FBXL17: variants seen among roughly 807,000 people sequenced by gnomAD.
FBXL17 encodes F-box/LRR-repeat protein 17.
In FBXL17, 22 loss-of-function variants were observed where a neutral mutation model predicts 66.2. The observed-to-expected ratio is 0.33, with a 90% confidence interval of 0.24 to 0.47. FBXL17 has a LOEUF of 0.47. Ranked by LOEUF, FBXL17 falls within the 20% of genes least tolerant of loss-of-function variation. The probability of loss-of-function intolerance (pLI) is 1.00; values close to 1 mark genes in which losing one functional copy is unlikely to be tolerated. For missense variants in FBXL17, 878 were observed against 948.2 expected (o/e 0.93, Z 0.97); for synonymous variants, 474 against 400.5 (o/e 1.18, Z -2.19).
intron 7 of FBXL17, among the ~76,000 whole-genome samples, chr5:107,935,167 C>T (rs1750858835): frequency 1.3e-5 from 2 of 151,750 alleles, no homozygotes; most frequent in Non-Finnish European, 2.9e-5. Context: ...GCAAAGTTTG[C>T]CTATATTAGA....
intron 6 of FBXL17, 48 bp from the exon 7 acceptor site, chr5:108,021,049 A>C: frequency 7.3e-7 from 1 of 1,368,586 alleles, no homozygotes; most frequent in Non-Finnish European, 1.0e-6. Context: ...AAGTTAAATT[A>C]GCAGGGGTTT....
At chr5:108,110,707 T>A (rs972429028) in intron 6 of FBXL17, among the ~76,000 whole-genome samples, 1 of 151,978 alleles carries the variant, frequency 6.6e-6, no homozygotes, top group Non-Finnish European at 1.5e-5. Context: ...AACCTGCCAA[T>A]CCTACTGCAG....
intron 8 of FBXL17, 35 bp downstream of exon 8, chr5:107,881,002 T>C (rs768453910): frequency 5.6e-6 from 9 of 1,614,034 alleles, no homozygotes; most frequent in Admixed American, 3.3e-5. Context: ...TATACTGATA[T>C]GTAGAAAGCA....
intron 7 of FBXL17, among the ~76,000 whole-genome samples, chr5:107,926,537 T>C (rs114892159): frequency 0.014 from 2,190 of 152,012 alleles, 61 homozygotes; most frequent in African/African-American, 0.05. Context: ...ATGGTGAGAA[T>C]ATTCTGATGT....
chr5:108,189,757 A>C (rs917740705), intron 5 of FBXL17, among the ~76,000 whole-genome samples: 2 of 152,186 alleles, frequency 1.3e-5, no homozygotes, highest in African/African-American at 4.8e-5. Flanking sequence ...AAGGATCTAG[A>C]GGTCTGAGAA....
chr5:107,928,767 C>T (rs1750624226), intron 7 of FBXL17, among the ~76,000 whole-genome samples: 1 of 152,148 alleles, frequency 6.6e-6, no homozygotes, highest in Non-Finnish European at 1.5e-5. Flanking sequence ...TAGTCTTTCA[C>T]TTGCTACCTA....
intron 7 of FBXL17, among the ~76,000 whole-genome samples, chr5:107,916,711 T>C (rs1561529102): frequency 6.6e-6 from 1 of 152,190 alleles, no homozygotes; most frequent in Non-Finnish European, 1.5e-5. Context: ...CTACTTCCCA[T>C]GGCTCCTGGG....
At chr5:108,242,410 T>G (rs1436237499) in intron 4 of FBXL17, among the ~76,000 whole-genome samples, 1 of 151,624 alleles carries the variant, frequency 6.6e-6, no homozygotes, top group African/African-American at 2.4e-5. Flanking sequence ...ATTGTAGGGA[T>G]GAGTTTTTGA....
intron 6 of FBXL17, among the ~76,000 whole-genome samples, chr5:108,086,174 C>A (rs1748963002): frequency 6.6e-6 from 1 of 151,696 alleles, no homozygotes; most frequent in Non-Finnish European, 1.5e-5. Context: ...AGTCCTGCCC[C>A]ATAATTCCTC....
At chr5:108,359,384 C>T (rs964177786) in intron 3 of FBXL17, among the ~76,000 whole-genome samples, 5 of 152,012 alleles carry the variant, frequency 3.3e-5, no homozygotes, top group African/African-American at 7.2e-5. Context: ...TCAAGGTGTA[C>T]GCTTTGATTA....
intron 7 of FBXL17, among the ~76,000 whole-genome samples, chr5:107,899,702 G>A (rs1003734503): frequency 2.8e-4 from 43 of 152,140 alleles, no homozygotes; most frequent in African/African-American, 1.0e-3. Flanking sequence ...TATTCCATAC[G>A]AATGAATGGA....
At chr5:108,147,893 G>A (rs893101606) in intron 6 of FBXL17, among the ~76,000 whole-genome samples, 14 of 150,968 alleles carry the variant, frequency 9.3e-5, no homozygotes, top group South Asian at 2.1e-4. Flanking sequence ...CAGTAAAATC[G>A]TATCCTCAAT....
intron 7 of FBXL17, among the ~76,000 whole-genome samples, chr5:107,937,429 T>C (rs1750947225): frequency 6.6e-6 from 1 of 152,140 alleles, no homozygotes; most frequent in South Asian, 2.1e-4. Flanking sequence ...TGTGAGGCAG[T>C]CATTCAAGGG....
chr5:108,353,432 A>G (rs1226314978), intron 3 of FBXL17, among the ~76,000 whole-genome samples: 1 of 152,174 alleles, frequency 6.6e-6, no homozygotes, highest in Non-Finnish European at 1.5e-5. Context: ...AGGTTATAAG[A>G]CAACACTCAT....
chr5:108,063,775 TATCAATACAAA>T (rs1748011484), intron 6 of FBXL17, among the ~76,000 whole-genome samples: 1 of 152,156 alleles, frequency 6.6e-6, no homozygotes, highest in African/African-American at 2.4e-5. Flanking sequence ...TTTAAAATGA[TATCAATACAAA>T]ACAGATATTT....
At chr5:108,192,262 A>G (rs1438660923) in intron 5 of FBXL17, among the ~76,000 whole-genome samples, 1 of 152,248 alleles carries the variant, frequency 6.6e-6, no homozygotes, top group Admixed American at 6.5e-5. Flanking sequence ...ATTCACTGGT[A>G]GTTGTGAGTT....
chr5:107,956,411 G>A (rs973581677), intron 7 of FBXL17, among the ~76,000 whole-genome samples: 1 of 152,112 alleles, frequency 6.6e-6, no homozygotes, highest in Non-Finnish European at 1.5e-5. Context: ...TATACAAGAT[G>A]GTGCTGGTAA....
At chr5:108,012,768 C>T (rs1277985037) in intron 7 of FBXL17, among the ~76,000 whole-genome samples, 1 of 152,150 alleles carries the variant, frequency 6.6e-6, no homozygotes, top group Non-Finnish European at 1.5e-5. Flanking sequence ...GTAATCCCAG[C>T]ACTTTGGGAG....
At chr5:108,192,386 T>C (rs1753502638) in intron 5 of FBXL17, among the ~76,000 whole-genome samples, 2 of 152,218 alleles carry the variant, frequency 1.3e-5, no homozygotes, top group Non-Finnish European at 2.9e-5. Context: ...AGTCAGAATG[T>C]AGAATGTAGG....
Sources: allele counts gnomAD v4.1 joint callset (sites outside exome capture counted in the v4.1 genomes callset), GRCh38; gene constraint gnomAD v4.1.1; transcripts MANE v1.5; gene names NCBI Gene and HGNC (gene_info 2026-07-23, HGNC 2026-07-21).